The following HK2 variants were observed in gnomAD, a reference collection of about 807,000 sequenced individuals.
HK2 encodes hexokinase 2, also known as hexokinase-2.
Under a neutral mutation model 92.9 loss-of-function variants are expected in HK2, and 42 were observed. The observed-to-expected ratio is 0.45, with a 90% CI of 0.35 to 0.58. The LOEUF (loss-of-function observed/expected upper bound fraction) is 0.58, where lower values mean the gene tolerates loss of function less well. HK2 is among the 20% of genes least tolerant of loss of function. The pLI, the probability that HK2 is intolerant of heterozygous loss-of-function variation, is 0.00. For missense variants in HK2, 978 were observed against 1,245.1 expected, an observed-to-expected ratio of 0.79 and a Z score of 3.23; for synonymous variants, 422 against 468.0, an observed-to-expected ratio of 0.90 and a Z score of 1.27.
At chr2:74,855,930 C>T (rs553269626) in intron 2 of HK2, among the ~76,000 whole-genome samples, 3 of 152,162 alleles carry the variant, frequency 2.0e-5, no homozygotes, top group Non-Finnish European at 4.4e-5. Context: ...ATTTAATCCT[C>T]ATAATAGGTG....
At chr2:74,836,781 G>T (rs1245503055) in intron 1 of HK2, among the ~76,000 whole-genome samples, 1 of 152,192 alleles carries the variant, frequency 6.6e-6, no homozygotes, top group Non-Finnish European at 1.5e-5. Context: ...CCATCTTTCT[G>T]AGCTGCCATT....
intron 1 of HK2, among the ~76,000 whole-genome samples, chr2:74,842,142 AGAG>A (rs1185082014): frequency 2.0e-5 from 3 of 152,252 alleles, no homozygotes; most frequent in African/African-American, 7.2e-5. Context: ...TGAAAGAGAA[AGAG>A]GGTTAACAGG....
chr2:74,882,188 G>A lies in HK2; in HGVS notation c.1788G>A (p.Leu596=), dbSNP rs755859129. 3 of 1,614,144 alleles carry A rather than the reference G, an allele frequency of 1.9e-6. No homozygotes were observed. The highest frequency in any genetic ancestry group is 2.5e-6 in the Non-Finnish European group (3 of 1,179,990). ...ACATGGGCATGAAGGGCGTGTCCCT[G>A]CCTCTGGGTTTTACCTTCTCCTTCC... is the stretch of plus-strand genomic sequence containing the variant. ...LEYMGMKGVS[L]PLGFTFSFPC... Residue 596 remains leucine, a synonymous_variant, in exon 12 of 18, where the codon CTG becomes CTA. Transcript: ENST00000290573.
rs1316255491 is a variant in HK2, at chr2:74,892,616, A to T, written c.*1675A>T. The T allele has an allele frequency of 6.6e-6, 1 of 152,246 alleles. No homozygotes were observed. Among genetic ancestry groups the T allele is most frequent in the African/African-American group, 2.4e-5 (1 of 41,462 alleles). The allele number at this position is 152,246 out of a possible 1,614,324, so 9.4% of individuals were successfully genotyped here. ...AGACATTAAACCTGGATACTATATG[A>T]TAAAGAGGGATGTAACTATTGAATT... On this transcript the variant is annotated 3_prime_UTR_variant, in exon 18 of 18. Coordinates refer to ENST00000290573, the MANE Select transcript of HK2 (RefSeq NM_000189.5).
chr2:74,868,364 C>G (rs1558797658), intron 3 of HK2, among the ~76,000 whole-genome samples: 1 of 152,102 alleles, frequency 6.6e-6, no homozygotes, highest in Non-Finnish European at 1.5e-5. Flanking sequence ...ACTGCCACTC[C>G]TATGCCTGCA....
intron 12 of HK2, 142 bp downstream of exon 12, chr2:74,882,381 G>A: frequency 8.1e-7 from 1 of 1,231,918 alleles, no homozygotes; most frequent in Non-Finnish European, 1.2e-6. Flanking sequence ...GGGGCTCCTT[G>A]ATGGGAATGA....
intron 2 of HK2, among the ~76,000 whole-genome samples, chr2:74,855,008 AT>A (rs952876327): frequency 6.6e-6 from 1 of 152,026 alleles, no homozygotes; most frequent in South Asian, 2.1e-4. Context: ...ATATATATAT[AT>A]TTTTTTGAGA....
chr2:74,845,420 G>A (rs1453468950), intron 1 of HK2, among the ~76,000 whole-genome samples: 4 of 152,262 alleles, frequency 2.6e-5, no homozygotes, highest in South Asian at 2.1e-4. Flanking sequence ...AGAACAGAAT[G>A]TCTGAGGACA....
chr2:74,886,376 A>C lies in HK2; in HGVS notation c.2018A>C (p.Glu673Ala). 6.2e-7 allele frequency: 1 copy of C among 1,614,066 alleles called. No individual in the cohort carries two copies. Among genetic ancestry groups the C allele is most frequent in the Non-Finnish European group, 8.5e-7 (1 of 1,180,016 alleles). The change falls in exon 14 of 18, where the codon GAA (glutamate) becomes GCA (alanine). Residue 673 changes from glutamate (E) to alanine (A), a missense_variant. Glu to Ala is a moderately radical substitution (Grantham distance 107). This residue lies in a region of HK2 where 742 missense variants were observed against 922.5 expected (regional missense o/e 0.80). Transcript: ENST00000290573. ...MTCGFEDPHCEVGLIVGTGSN... is the reference protein window; with the variant it reads ...MTCGFEDPHCAVGLIVGTGSN... ...TGTGGCTTTGAAGACCCTCACTGTG[A>C]AGTTGGCCTCATTGTTGGTAAGGAC...
intron 16 of HK2, among the ~76,000 whole-genome samples, chr2:74,888,826 C>T (rs780240731): frequency 4.6e-5 from 7 of 152,102 alleles, no homozygotes; most frequent in Non-Finnish European, 1.0e-4. Context: ...GTTCAGACCA[C>T]CCAGAGCAGC....
chr2:74,878,885 T>C lies in HK2; in HGVS notation c.1229T>C (p.Ile410Thr), dbSNP rs1417474830. ...GGCGAGGAGCGGCTGCGCTCTACTA[T>C]TGGGGTCGACGGTTCCGTCTACAAG... ...NKGEERLRST[I>T]GVDGSVYKKH... The change falls in exon 9 of 18, where the codon ATT becomes ACT. Residue 410 changes from isoleucine to threonine, a missense_variant. By Grantham distance (89) the Ile-to-Thr change is moderately conservative (BLOSUM62 -1). Coordinates refer to ENST00000290573, the MANE Select transcript of HK2 (RefSeq NM_000189.5). The C allele has an allele frequency of 1.3e-6, 2 of 1,551,684 alleles. No homozygotes were observed. Among genetic ancestry groups the C allele is most frequent in the East Asian group, 2.4e-5 (1 of 40,912 alleles).
At chr2:74,872,462 C>A in intron 4 of HK2, 43 bp downstream of exon 4, 1 of 1,611,950 alleles carries the variant, frequency 6.2e-7, no homozygotes. Context: ...ACTCTTGGGG[C>A]TGGGAGGGCT....
At chr2:74,874,065 CAGTCACTTTGGAG>C (rs1278852686) in intron 6 of HK2, 122 bp downstream of exon 6, 1 of 972,414 alleles carries the variant, frequency 1.0e-6, no homozygotes, top group African/African-American at 1.6e-5. Flanking sequence ...GATAATGGTC[CAGTCACTTTGGAG>C]AGCCGAGCAG....
chr2:74,872,561 T>A, intron 4 of HK2, 142 bp downstream of exon 4: 3 of 634,276 alleles, frequency 4.7e-6, no homozygotes, highest in Non-Finnish European at 5.4e-6. Context: ...GGTGACTGTG[T>A]ATGTCGATGG....
chr2:74,870,962 G>C (rs1408741661), intron 3 of HK2, among the ~76,000 whole-genome samples: 1 of 152,178 alleles, frequency 6.6e-6, no homozygotes, highest in Non-Finnish European at 1.5e-5. Context: ...TTGTCTTCCT[G>C]GGTCCCTCCT....
At chr2:74,844,584 T>C (rs940752648) in intron 1 of HK2, among the ~76,000 whole-genome samples, 2 of 152,156 alleles carry the variant, frequency 1.3e-5, no homozygotes, top group Non-Finnish European at 2.9e-5. Flanking sequence ...CCAGAGGTAT[T>C]TGATCCAGCA....
chr2:74,882,685 T>C (rs1689433608), intron 12 of HK2, among the ~76,000 whole-genome samples: 1 of 147,006 alleles, frequency 6.8e-6, no homozygotes, highest in African/African-American at 2.5e-5. Flanking sequence ...ATTATCTCGT[T>C]TAACCCTCAC....
intron 1 of HK2, among the ~76,000 whole-genome samples, chr2:74,837,158 T>G (rs1304138354): frequency 1.3e-5 from 2 of 152,258 alleles, no homozygotes; most frequent in Non-Finnish European, 2.9e-5. Context: ...AGACTGATTG[T>G]TATTAGCATC....
chr2:74,881,997 GT>G, intron 11 of HK2, 122 bp from the exon 12 acceptor site: 1 of 1,419,340 alleles, frequency 7.0e-7, no homozygotes, highest in Non-Finnish European at 1.0e-6. Flanking sequence ...CTTGACTCAG[GT>G]TTGTGCCTGA....
Sources: allele counts gnomAD v4.1 joint callset (sites outside exome capture counted in the v4.1 genomes callset), GRCh38; gene constraint gnomAD v4.1.1; regional missense constraint gnomAD v4.1.1; transcripts MANE v1.5; gene names NCBI Gene and HGNC (gene_info 2026-07-23, HGNC 2026-07-21).